Variants in KLF9 observed in about 807,000 individuals in gnomAD.
The protein encoded by KLF9 is Krueppel-like factor 9.
KLF9 carries 2 observed loss-of-function variants against 17.3 expected under a neutral mutation model. The observed-to-expected ratio is 0.12, with a 90% confidence interval of 0.05 to 0.36. The LOEUF (loss-of-function observed/expected upper bound fraction) is 0.36, where lower values mean the gene tolerates loss of function less well. Ranked by LOEUF, KLF9 falls within the 10% of genes least tolerant of loss-of-function variation. The pLI, the probability that KLF9 is intolerant of heterozygous loss-of-function variation, is 1.00. For missense variants in KLF9, 226 were observed against 333.2 expected (o/e 0.68, Z 2.51); for synonymous variants, 138 against 139.2 (o/e 0.99, Z 0.06).
chr9:70,399,890 A>G (rs1004116766), intron 1 of KLF9, among the ~76,000 whole-genome samples: 2 of 152,196 alleles, frequency 1.3e-5, no homozygotes, highest in African/African-American at 4.8e-5. Context: ...TCAAAGTAGC[A>G]TTTAGAAAAC....
intron 1 of KLF9, among the ~76,000 whole-genome samples, chr9:70,394,145 A>G (rs1370893476): frequency 6.6e-6 from 1 of 151,936 alleles, no homozygotes; most frequent in East Asian, 1.9e-4. Context: ...GCACTTTGGG[A>G]GGCTGAGATG....
chr9:70,400,848 AAG>A (rs2037216175), intron 1 of KLF9, among the ~76,000 whole-genome samples: 1 of 152,134 alleles, frequency 6.6e-6, no homozygotes, highest in Non-Finnish European at 1.5e-5. Context: ...GTGAGCCACT[AAG>A]TCACATGGCT....
rs2037121775 is a variant in KLF9 at position 70,387,490 on chromosome 9, A to C, written c.*286T>G. 4.1e-6 allele frequency: 1 copy of C among 242,964 alleles called. No homozygotes were observed. The highest frequency in any genetic ancestry group is 7.9e-6 in the Non-Finnish European group (1 of 125,794). 15.1% of individuals were successfully genotyped at this position (242,964 alleles called of 1,614,324 possible). A position where few individuals can be genotyped will look rare whatever the true frequency, so the allele number is the denominator to read the frequency against. ...TAAAAGGAGAAAAAAAAACAAAAAC[A>C]AAAACCAAAAAACCCAAAAGCATTT... On this transcript the variant is annotated 3_prime_UTR_variant, in exon 2 of 2. Coordinates refer to ENST00000377126, the MANE Select transcript of KLF9 (RefSeq NM_001206.4).
rs753572535 is a variant in KLF9 at position 70,412,986 on chromosome 9, G to A, written c.378C>T (p.Leu126=). Residue 126 remains leucine (L), a synonymous_variant, in exon 1 of 2, where the codon CTC becomes CTT. Transcript: ENST00000377126. ...CCTTCGCAGCCACTCCAGGATGGAG[G>A]AGGGAGAGCGGGCTGGGCGCGCTGC... The part of the protein sequence containing the change: ...DPGSAPSPLS[L]LHPGVAAKGK... The A allele has an allele frequency of 5.0e-6, 8 of 1,614,220 alleles. No homozygotes were observed. The Admixed American group carries it at 1.2e-4, about 24-fold the overall frequency.
rs1407116655 is a variant in KLF9 at position 70,390,650 on chromosome 9, T to TAC, written c.506-2647_506-2646dup. Among the ~76,000 whole-genome samples the TAC allele has an allele frequency of 1.4e-4, 20 of 147,594 alleles. No homozygotes were observed. The East Asian group carries it at 1.6e-3, about 12-fold the overall frequency. On this transcript the variant is annotated intron_variant, in intron 1 of 1. Coordinates refer to ENST00000377126, the MANE Select transcript of KLF9 (RefSeq NM_001206.4). The stretch of plus-strand genomic sequence containing the variant: ...CAAACTTTACACACACACACACACA[T>TAC]ACACACACTCTCTCTCTCTCTCTCT...
At chr9:70,409,267 T>C (rs2037293584) in intron 1 of KLF9, among the ~76,000 whole-genome samples, 1 of 147,582 alleles carries the variant, frequency 6.8e-6, no homozygotes, top group African/African-American at 2.5e-5. Flanking sequence ...TGGGGTGTCA[T>C]GGTTGGAATT....
intron 1 of KLF9, among the ~76,000 whole-genome samples, chr9:70,391,964 T>C (rs1340849966): frequency 2.6e-5 from 4 of 152,226 alleles, no homozygotes; most frequent in African/African-American, 9.6e-5. Flanking sequence ...CTGTACAGCC[T>C]GCAAAGCTGA....
intron 1 of KLF9, among the ~76,000 whole-genome samples, chr9:70,403,080 G>A (rs1412936061): frequency 6.6e-6 from 1 of 152,154 alleles, no homozygotes; most frequent in East Asian, 1.9e-4. Context: ...AACCAGGGAG[G>A]TGGAGGTTGC....
At chr9:70,408,250 C>T (rs1239550019) in intron 1 of KLF9, among the ~76,000 whole-genome samples, 1 of 152,038 alleles carries the variant, frequency 6.6e-6, no homozygotes, top group Admixed American at 6.5e-5. Flanking sequence ...TGGCACACAC[C>T]CATAATCCCA....
chr9:70,389,013 C>T (rs1286369494), intron 1 of KLF9, among the ~76,000 whole-genome samples: 8 of 151,998 alleles, frequency 5.3e-5, no homozygotes, highest in Non-Finnish European at 8.8e-5. Context: ...TGGTGGCGTG[C>T]GCCTGTAGTC....
At chr9:70,398,532 A>G (rs894693370) in intron 1 of KLF9, among the ~76,000 whole-genome samples, 22 of 148,514 alleles carry the variant, frequency 1.5e-4, no homozygotes, top group Admixed American at 1.4e-3. Flanking sequence ...TCTGTCACCC[A>G]GGTTGGAGTG....
At chr9:70,397,754 G>C (rs2037191975) in intron 1 of KLF9, among the ~76,000 whole-genome samples, 1 of 152,154 alleles carries the variant, frequency 6.6e-6, no homozygotes, top group Non-Finnish European at 1.5e-5. Context: ...GGACCAGACT[G>C]GTGGGGAATG....
intron 1 of KLF9, among the ~76,000 whole-genome samples, chr9:70,396,376 C>G (rs963308918): frequency 6.6e-6 from 1 of 152,092 alleles, no homozygotes; most frequent in Non-Finnish European, 1.5e-5. Flanking sequence ...GAAAAAGGTA[C>G]CAGACTGTTA....
At chr9:70,409,932 C>G (rs1045492857) in intron 1 of KLF9, among the ~76,000 whole-genome samples, 18 of 152,190 alleles carry the variant, frequency 1.2e-4, no homozygotes, top group Non-Finnish European at 2.6e-4. Context: ...ACATTATACA[C>G]AAACCACAGG....
At chr9:70,408,728 A>G (rs966832245) in intron 1 of KLF9, among the ~76,000 whole-genome samples, 1 of 152,132 alleles carries the variant, frequency 6.6e-6, no homozygotes, top group African/African-American at 2.4e-5. Flanking sequence ...CAAGAAGCTC[A>G]GGGCAACCTC....
intron 1 of KLF9, among the ~76,000 whole-genome samples, chr9:70,389,534 C>T (rs1385068199): frequency 6.6e-6 from 1 of 152,208 alleles, no homozygotes; most frequent in Non-Finnish European, 1.5e-5. Context: ...TTCCACATCC[C>T]TCTTTCCGAT....
Position 70,407,948 on chromosome 9 carries a change from GCAGTATCATCT to G in KLF9, c.505+4900_505+4910del, listed in dbSNP as rs1288353787. On this transcript the variant is annotated intron_variant, in intron 1 of 1. Coordinates refer to ENST00000377126, the MANE Select transcript of KLF9 (RefSeq NM_001206.4). Reference sequence around the variant, plus strand: ...CACTCCTATTGCTGAGTGGGGTGAGGCAGTATCATCTCCCAGGGGGCAAAAATTGGTTCTGT... The same window carrying G: ...CACTCCTATTGCTGAGTGGGGTGAGGCCCAGGGGGCAAAAATTGGTTCTGT... 9.2e-5 allele frequency among the ~76,000 whole-genome samples: 14 copies of G among 152,290 alleles called. No individual in the cohort carries two copies. In the East Asian group the frequency reaches 2.5e-3, roughly 27 times the overall value.
chr9:70,401,330 G>C (rs1029249078), intron 1 of KLF9, among the ~76,000 whole-genome samples: 5 of 152,036 alleles, frequency 3.3e-5, no homozygotes, highest in Admixed American at 3.3e-4. Flanking sequence ...CTGGGTGACA[G>C]AGTGAGACCC....
rs184378914 is a variant in KLF9 at position 70,404,141 on chromosome 9, G to A, written c.505+8718C>T. On this transcript the variant is annotated intron_variant, in intron 1 of 1. Transcript: ENST00000377126. ...CACCTTTCTATCTCACAGGATTGCT[G>A]TGAGTTTAAATGTGACAATGCATGT... 2.0e-3 allele frequency among the ~76,000 whole-genome samples: 303 copies of A among 152,300 alleles called. 1 individual carries two copies. Among genetic ancestry groups the A allele is most frequent in the Admixed American group, 6.8e-3 (104 of 15,304 alleles).
Sources: gnomAD v4.1 joint callset for allele counts (sites outside exome capture counted in the v4.1 genomes callset) on GRCh38, gnomAD v4.1.1 for gene constraint, MANE v1.5 for transcripts, NCBI Gene and HGNC (gene_info 2026-07-23, HGNC 2026-07-21) for gene names.